Variants in ST6GALNAC3 observed in about 807,000 individuals in gnomAD.
ST6GALNAC3 encodes alpha-N-acetylgalactosaminide alpha-2,6-sialyltransferase 3.
ST6GALNAC3 carries 25 observed loss-of-function variants against 32.7 expected under a neutral mutation model. The observed-to-expected ratio is 0.76, with a 90% CI of 0.56 to 1.07. ST6GALNAC3 has a LOEUF of 1.07. ST6GALNAC3 is among the 50% of genes least tolerant of loss of function. The probability of loss-of-function intolerance (pLI) is 0.00; values close to 1 mark genes in which losing one functional copy is unlikely to be tolerated. For synonymous variants in ST6GALNAC3, 129 were observed against 133.1 expected, an observed-to-expected ratio of 0.97 and a Z score of 0.21; for missense variants, 355 against 382.4, an observed-to-expected ratio of 0.93 and a Z score of 0.60.
In ST6GALNAC3 at chr1:76,151,990, T is replaced by C. The variant is rs983392808; in HGVS notation, c.18+77106T>C. ...TCCACTTGGCTACTTAAGGCAGAAA[T>C]TTAAATTTGTGATGACTTTTGAGGC... On this transcript the variant is annotated intron_variant, in intron 1 of 4. Coordinates refer to ENST00000328299, the MANE Select transcript of ST6GALNAC3 (RefSeq NM_152996.4). Among the ~76,000 whole-genome samples, 16 of 152,230 alleles carry C rather than the reference T, an allele frequency of 1.1e-4. 1 individual carries two copies. Among genetic ancestry groups the C allele is most frequent in the African/African-American group, 3.9e-4 (16 of 41,538 alleles).
At chr1:76,183,885 A>G in intron 1 of ST6GALNAC3, among the ~76,000 whole-genome samples, 2 of 89,318 alleles carry the variant, frequency 2.2e-5, no homozygotes, top group Middle Eastern at 6.2e-3. Context: ...TATGTTACTG[A>G]ATATGTTATA....
intron 3 of ST6GALNAC3, among the ~76,000 whole-genome samples, chr1:76,529,447 C>T (rs974979498): frequency 6.6e-6 from 1 of 152,050 alleles, no homozygotes; most frequent in Non-Finnish European, 1.5e-5. Context: ...TAACTAGCAG[C>T]CAAGTTATTA....
rs575637638 is a variant in ST6GALNAC3, at chr1:76,172,644, G to C, written c.18+97760G>C. 2.0e-5 allele frequency among the ~76,000 whole-genome samples: 3 copies of C among 152,224 alleles called. No homozygotes were observed. The South Asian group carries it at 6.2e-4, about 32-fold the overall frequency. ...AAAAGCAACTTCAGCAAAGTCTCAGGATACAAAATTAATGTGCAAAAATCA... is the reference window on the plus strand; with the variant it reads ...AAAAGCAACTTCAGCAAAGTCTCAGCATACAAAATTAATGTGCAAAAATCA... On this transcript the variant is annotated intron_variant, in intron 1 of 4. Transcript: ENST00000328299.
At chr1:76,508,427 C>G (rs1661617514) in intron 3 of ST6GALNAC3, among the ~76,000 whole-genome samples, 1 of 152,096 alleles carries the variant, frequency 6.6e-6, no homozygotes, top group South Asian at 2.1e-4. Context: ...ATTTGGCCCA[C>G]TACTATAGTT....
chr1:76,098,294 A>C (rs1313892271), intron 1 of ST6GALNAC3, among the ~76,000 whole-genome samples: 1 of 152,216 alleles, frequency 6.6e-6, no homozygotes, highest in African/African-American at 2.4e-5. Context: ...ATTAGACTGC[A>C]CGATCACAAT....
intron 1 of ST6GALNAC3, among the ~76,000 whole-genome samples, chr1:76,221,921 G>A (rs1192465227): frequency 6.6e-6 from 1 of 152,154 alleles, no homozygotes; most frequent in Non-Finnish European, 1.5e-5. Context: ...GTCTTGGCGT[G>A]AGCTTTGATT....
intron 3 of ST6GALNAC3, among the ~76,000 whole-genome samples, chr1:76,567,365 A>G (rs1174953165): frequency 6.6e-6 from 1 of 152,206 alleles, no homozygotes; most frequent in Non-Finnish European, 1.5e-5. Flanking sequence ...AAAGTAAGGT[A>G]CCACAAGAGA....
chr1:76,211,799 C>T lies in ST6GALNAC3; in HGVS notation c.19-102006C>T, dbSNP rs1026820503. On this transcript the variant is annotated intron_variant, in intron 1 of 4. Coordinates refer to ENST00000328299, the MANE Select transcript of ST6GALNAC3 (RefSeq NM_152996.4). ...GGGGCCTGTTGTGGGGTGGGGGGAG[C>T]GGGGAGGGATAGCATTAGGAGATAT... 1.5e-4 allele frequency among the ~76,000 whole-genome samples: 23 copies of T among 149,400 alleles called. No homozygotes were observed. The East Asian group carries it at 1.8e-3, about 12-fold the overall frequency.
At position 76,444,311 on chromosome 1, in the gene ST6GALNAC3, C is replaced by T. The variant is rs566339475; in HGVS notation, c.623+31894C>T. The stretch of plus-strand genomic sequence containing the variant: ...TAAAGACATTTTTTTCTGTACTCTA[C>T]ATGTGTTCTCAAATTCTCCCAGATG... On this transcript the variant is annotated intron_variant, in intron 3 of 4. Coordinates refer to ENST00000328299, the MANE Select transcript of ST6GALNAC3 (RefSeq NM_152996.4). 3.9e-5 allele frequency among the ~76,000 whole-genome samples: 6 copies of T among 152,272 alleles called. No homozygotes were observed. The South Asian group carries it at 8.3e-4, about 21-fold the overall frequency.
intron 2 of ST6GALNAC3, among the ~76,000 whole-genome samples, chr1:76,379,836 G>A (rs1392763928): frequency 6.6e-6 from 1 of 151,984 alleles, no homozygotes; most frequent in African/African-American, 2.4e-5. Context: ...AAACAAACAA[G>A]CCTCACAGAG....
At chr1:76,177,906 C>G (rs542581619) in intron 1 of ST6GALNAC3, among the ~76,000 whole-genome samples, 4 of 152,116 alleles carry the variant, frequency 2.6e-5, no homozygotes, top group Non-Finnish European at 5.9e-5. Flanking sequence ...TGGACCCTCC[C>G]TGAAAAAGAG....
intron 3 of ST6GALNAC3, among the ~76,000 whole-genome samples, chr1:76,623,125 T>C (rs954738454): frequency 7.2e-5 from 11 of 151,864 alleles, no homozygotes; most frequent in African/African-American, 2.7e-4. Context: ...ACATCAAGGG[T>C]AAAGTAGCTT....
At chr1:76,611,207 G>A (rs1647911054) in intron 3 of ST6GALNAC3, among the ~76,000 whole-genome samples, 1 of 151,364 alleles carries the variant, frequency 6.6e-6, no homozygotes, top group Non-Finnish European at 1.5e-5. Flanking sequence ...TATAATAATG[G>A]TCTCAGATAC....
intron 2 of ST6GALNAC3, among the ~76,000 whole-genome samples, chr1:76,349,577 G>T (rs1648806064): frequency 6.6e-6 from 1 of 152,094 alleles, no homozygotes. Context: ...AGAGGAAAAT[G>T]ACCCAAAAGA....
intron 1 of ST6GALNAC3, among the ~76,000 whole-genome samples, chr1:76,276,201 A>G (rs1025424606): frequency 1.3e-5 from 2 of 151,366 alleles, no homozygotes; most frequent in Non-Finnish European, 2.9e-5. Flanking sequence ...CTATATATAT[A>G]TATAACATTT....
chr1:76,390,448 C>G (rs1421900756), intron 2 of ST6GALNAC3, among the ~76,000 whole-genome samples: 3 of 152,230 alleles, frequency 2.0e-5, no homozygotes, highest in East Asian at 1.9e-4. Context: ...TCCTGTGACA[C>G]AGTATCCTTC....
chr1:76,370,234 A>G (rs1650710684), intron 2 of ST6GALNAC3, among the ~76,000 whole-genome samples: 1 of 152,184 alleles, frequency 6.6e-6, no homozygotes. Flanking sequence ...AGTAGTACTA[A>G]GTTTAATGAA....
At chr1:76,330,617 C>T (rs780436426) in intron 2 of ST6GALNAC3, among the ~76,000 whole-genome samples, 1 of 152,170 alleles carries the variant, frequency 6.6e-6, no homozygotes, top group Non-Finnish European at 1.5e-5. Context: ...TATGCAGCAG[C>T]AGTAATAGCC....
intron 3 of ST6GALNAC3, among the ~76,000 whole-genome samples, chr1:76,561,342 A>G (rs1665231070): frequency 6.6e-6 from 1 of 152,248 alleles, no homozygotes; most frequent in Non-Finnish European, 1.5e-5. Context: ...TGTTTTAAAA[A>G]GACAATGAAA....
Sources: allele counts gnomAD v4.1 joint callset (sites outside exome capture counted in the v4.1 genomes callset), GRCh38; gene constraint gnomAD v4.1.1; transcripts MANE v1.5; gene names NCBI Gene and HGNC (gene_info 2026-07-23, HGNC 2026-07-21).